BBS9: variants seen among roughly 807,000 people sequenced by gnomAD.
The protein encoded by BBS9 is protein PTHB1.
In BBS9, 89 loss-of-function variants were observed where a neutral mutation model predicts 117.7. The observed-to-expected ratio is 0.76, with a 90% CI of 0.64 to 0.90. BBS9 has a LOEUF of 0.90. Among genes scored for constraint, BBS9 ranks in the 40% least tolerant of loss-of-function variants. The pLI is 0.00. For synonymous variants in BBS9, 379 were observed against 370.9 expected (o/e 1.02, Z -0.25); for missense variants, 982 against 1,042.2 (o/e 0.94, Z 0.80).
At chr7:33,138,455 T>C (rs1222589541) in intron 1 of BBS9, among the ~76,000 whole-genome samples, 2 of 151,086 alleles carry the variant, frequency 1.3e-5, no homozygotes, top group Admixed American at 6.6e-5. Flanking sequence ...CACCTGGAGA[T>C]ACTGTTTGGG....
At chr7:33,430,554 A>C (rs1014702278) in intron 19 of BBS9, among the ~76,000 whole-genome samples, 10 of 152,216 alleles carry the variant, frequency 6.6e-5, no homozygotes, top group Non-Finnish European at 1.3e-4. Flanking sequence ...CTAGTCACTT[A>C]TGTGGAGGGA....
intron 5 of BBS9, among the ~76,000 whole-genome samples, chr7:33,180,635 G>A (rs1270642942): frequency 2.0e-5 from 3 of 152,274 alleles, no homozygotes; most frequent in South Asian, 2.1e-4. Flanking sequence ...GATTACAGGC[G>A]TGAGCCACTG....
chr7:33,575,319 T>A (rs1858609913), intron 21 of BBS9, among the ~76,000 whole-genome samples: 1 of 151,928 alleles, frequency 6.6e-6, no homozygotes, highest in African/African-American at 2.4e-5. Flanking sequence ...TAAATAAATG[T>A]CCTCTTGGTA....
intron 15 of BBS9, among the ~76,000 whole-genome samples, chr7:33,353,246 TC>T: frequency 6.6e-6 from 1 of 152,272 alleles, no homozygotes; most frequent in Admixed American, 6.5e-5. Context: ...GTCACTGAAT[TC>T]TAAGTTGTGT....
intron 19 of BBS9, among the ~76,000 whole-genome samples, chr7:33,421,271 G>T (rs1832820284): frequency 6.6e-6 from 1 of 151,862 alleles, no homozygotes. Flanking sequence ...TTACATGATT[G>T]AAGATAGAAC....
chr7:33,585,901 C>T (rs1356296773), intron 21 of BBS9, among the ~76,000 whole-genome samples: 3 of 152,010 alleles, frequency 2.0e-5, no homozygotes, highest in African/African-American at 7.2e-5. Context: ...ACACAGCAGA[C>T]CTGGGCTCTA....
chr7:33,246,296 GT>G (rs746352875), intron 5 of BBS9, among the ~76,000 whole-genome samples: 96 of 139,060 alleles, frequency 6.9e-4, no homozygotes, highest in Middle Eastern at 3.7e-3. Flanking sequence ...GGCTTTAGTT[GT>G]TTTTTTTTTT....
At chr7:33,440,089 C>T (rs1413344845) in intron 19 of BBS9, among the ~76,000 whole-genome samples, 1 of 152,110 alleles carries the variant, frequency 6.6e-6, no homozygotes. Context: ...GGTTTTCCAG[C>T]TTTGTGATCA....
intron 21 of BBS9, among the ~76,000 whole-genome samples, chr7:33,624,719 A>G (rs1865561303): frequency 6.6e-6 from 1 of 152,228 alleles, no homozygotes; most frequent in South Asian, 2.1e-4. Flanking sequence ...GTAAATAGAG[A>G]AACCATGTAA....
intron 4 of BBS9, among the ~76,000 whole-genome samples, chr7:33,156,639 G>T (rs1467840213): frequency 6.6e-6 from 1 of 152,172 alleles, no homozygotes; most frequent in Non-Finnish European, 1.5e-5. Context: ...ACCTGGCGTG[G>T]TATATGGTAG....
At chr7:33,283,940 A>C (rs983377553) in intron 9 of BBS9, among the ~76,000 whole-genome samples, 4 of 152,112 alleles carry the variant, frequency 2.6e-5, no homozygotes, top group African/African-American at 9.7e-5. Context: ...AGTGTCACAG[A>C]AGCCCCTAAC....
intron 6 of BBS9, among the ~76,000 whole-genome samples, chr7:33,257,677 G>A (rs1187058145): frequency 1.3e-5 from 2 of 152,088 alleles, no homozygotes; most frequent in African/African-American, 2.4e-5. Flanking sequence ...TGGCTCTAAA[G>A]GAGGTAATAT....
intron 19 of BBS9, among the ~76,000 whole-genome samples, chr7:33,437,413 A>G (rs748286568): frequency 3.9e-5 from 6 of 152,194 alleles, no homozygotes; most frequent in Non-Finnish European, 7.3e-5. Context: ...GGATATATAG[A>G]GAAGCATCAG....
intron 19 of BBS9, among the ~76,000 whole-genome samples, chr7:33,415,435 A>G (rs542309915): frequency 2.6e-5 from 4 of 152,350 alleles, no homozygotes; most frequent in East Asian, 3.9e-4. Context: ...TTCAGTCTCC[A>G]TAACCAACAT....
intron 7 of BBS9, among the ~76,000 whole-genome samples, chr7:33,269,481 T>A (rs1005818253): frequency 2.6e-4 from 39 of 152,148 alleles, no homozygotes; most frequent in African/African-American, 8.0e-4. Context: ...GACCCTTGGC[T>A]CCAACCACTG....
chr7:33,421,965 C>T (rs10951388), intron 19 of BBS9, among the ~76,000 whole-genome samples: 52,184 of 151,824 alleles, frequency 0.34, 9,587 homozygotes, highest in African/African-American at 0.47. Flanking sequence ...TAAAAATAAA[C>T]AATACCCTAA....
At chr7:33,483,106 G>T (rs975576321) in intron 19 of BBS9, among the ~76,000 whole-genome samples, 34 of 151,372 alleles carry the variant, frequency 2.2e-4, no homozygotes, top group Admixed American at 1.3e-3. Flanking sequence ...TCTTTGGGGG[G>T]CGGGGGGAAT....
At chr7:33,633,558 T>C (rs1397768613) in intron 21 of BBS9, among the ~76,000 whole-genome samples, 3 of 150,424 alleles carry the variant, frequency 2.0e-5, no homozygotes, top group Non-Finnish European at 3.0e-5. Flanking sequence ...GGGTTAGTGA[T>C]AGGAGAGGAG....
In BBS9 at chr7:33,364,155, A is replaced by G. The variant is rs1381006322; in HGVS notation, c.1694-3612A>G. Among the ~76,000 whole-genome samples the G allele has an allele frequency of 3.9e-5, 4 of 101,924 alleles. 1 individual carries two copies. The highest frequency in any genetic ancestry group is 1.6e-4 in the African/African-American group (4 of 24,826). The allele number at this position is 101,924 out of a possible 152,430, so 66.9% of individuals were successfully genotyped here. A position where few individuals can be genotyped will look rare whatever the true frequency, so the allele number is the denominator to read the frequency against. On this transcript the variant is annotated intron_variant, in intron 16 of 22. Coordinates refer to ENST00000242067, the MANE Select transcript of BBS9 (RefSeq NM_198428.3). ...AGTAGAGACGGGGTTTCACCGTGTTAGCCAGGATGGTCTCGATCTCCTGAC... is the reference window on the plus strand; with the variant it reads ...AGTAGAGACGGGGTTTCACCGTGTTGGCCAGGATGGTCTCGATCTCCTGAC...
Sources: gnomAD v4.1 joint callset for allele counts (sites outside exome capture counted in the v4.1 genomes callset) on GRCh38, gnomAD v4.1.1 for gene constraint, MANE v1.5 for transcripts, NCBI Gene and HGNC (gene_info 2026-07-23, HGNC 2026-07-21) for gene names.